MMP26: variants seen among roughly 807,000 people sequenced by gnomAD.
MMP26 encodes the protein matrix metalloproteinase-26.
Under a neutral mutation model 31.0 loss-of-function variants are expected in MMP26, and 33 were observed. The observed-to-expected ratio is 1.06, with a 90% CI of 0.81 to 1.42. The LOEUF is 1.42. Among genes scored for constraint, MMP26 ranks in the 40% most tolerant of loss-of-function variants. The probability of loss-of-function intolerance (pLI) is 0.00; values close to 1 mark genes in which losing one functional copy is unlikely to be tolerated. For missense variants in MMP26, 347 were observed against 316.1 expected (o/e 1.10, Z -0.74); for synonymous variants, 122 against 114.9 (o/e 1.06, Z -0.40).
At chr11:4,708,599 CCAAA>C (rs1186386781) in intron 1 of MMP26, among the ~76,000 whole-genome samples, 8 of 152,098 alleles carry the variant, frequency 5.3e-5, no homozygotes, top group Non-Finnish European at 4.4e-5. Flanking sequence ...ATGTTAAAAA[CCAAA>C]CATTCTTTCT....
chr11:4,955,138 A>G lies in MMP26; in HGVS notation c.-144-32930A>G, dbSNP rs566403984. 2.1e-5 allele frequency: 28 copies of G among 1,355,732 alleles called. 4 individuals are homozygous for G. The African/African-American group carries it at 3.2e-4, about 16-fold the overall frequency. The allele number at this position is 1,355,732 out of a possible 1,614,324, so 84.0% of individuals were successfully genotyped here. On this transcript the variant is annotated intron_variant, in intron 2 of 7. Coordinates refer to ENST00000380390, the MANE Select transcript of MMP26 (RefSeq NM_021801.5). ...CATAGATAACATCAATTCTGTTGTC[A>G]GAACAGGCCAACTTCATGACATCCT...
chr11:4,892,404 G>A (rs1345316960), intron 2 of MMP26, among the ~76,000 whole-genome samples: 2 of 152,122 alleles, frequency 1.3e-5, no homozygotes, highest in Non-Finnish European at 2.9e-5. Context: ...CAGAGTCCAT[G>A]TATCCCTACT....
At chr11:4,834,600 A>G (rs1171883422) in intron 2 of MMP26, among the ~76,000 whole-genome samples, 1 of 152,214 alleles carries the variant, frequency 6.6e-6, no homozygotes, top group Non-Finnish European at 1.5e-5. Flanking sequence ...TGTCCTCTAA[A>G]GTCCTTACTG....
intron 2 of MMP26, among the ~76,000 whole-genome samples, chr11:4,909,906 A>G (rs1201776246): frequency 6.6e-6 from 1 of 152,126 alleles, no homozygotes; most frequent in Non-Finnish European, 1.5e-5. Flanking sequence ...ACGCTTCAAC[A>G]GAGTAACATA....
At chr11:4,835,587 G>A (rs1228469565) in intron 2 of MMP26, among the ~76,000 whole-genome samples, 2 of 152,148 alleles carry the variant, frequency 1.3e-5, no homozygotes, top group African/African-American at 4.8e-5. Context: ...AAAGGAGAGA[G>A]CAATTGAGGC....
intron 1 of MMP26, among the ~76,000 whole-genome samples, chr11:4,754,330 C>T (rs902276746): frequency 9.2e-5 from 14 of 151,782 alleles, no homozygotes; most frequent in African/African-American, 3.4e-4. Context: ...AAATGTGGGA[C>T]AGATATCTAT....
At chr11:4,941,871 G>A (rs1255068190) in intron 2 of MMP26, among the ~76,000 whole-genome samples, 3 of 151,368 alleles carry the variant, frequency 2.0e-5, no homozygotes, top group East Asian at 1.9e-4. Flanking sequence ...GGATCATGAG[G>A]TCAGGAGATC....
At chr11:4,836,651 CTTTTTT>C (rs71480270) in intron 2 of MMP26, among the ~76,000 whole-genome samples, 1 of 95,960 alleles carries the variant, frequency 1.0e-5, no homozygotes, top group Non-Finnish European at 2.1e-5. Context: ...TCAAAGACAT[CTTTTTT>C]TTTTTTTTTT....
At chr11:4,729,172 C>A (rs1227835912) in intron 1 of MMP26, among the ~76,000 whole-genome samples, 1 of 151,754 alleles carries the variant, frequency 6.6e-6, no homozygotes, top group Non-Finnish European at 1.5e-5. Context: ...AAGCATCTTC[C>A]TAGTTCATAT....
At chr11:4,758,999 T>C (rs1848538953) in intron 1 of MMP26, among the ~76,000 whole-genome samples, 1 of 149,660 alleles carries the variant, frequency 6.7e-6, no homozygotes, top group Non-Finnish European at 1.5e-5. Flanking sequence ...TAATCACAGC[T>C]ACCTGGGAGG....
At chr11:4,789,530 C>CTTTTTTTTTTTTTTTTTTTTTTT (rs71050429) in intron 2 of MMP26, among the ~76,000 whole-genome samples, 1 of 65,970 alleles carries the variant, frequency 1.5e-5, no homozygotes, top group African/African-American at 5.4e-5. Context: ...TATCCCCCCA[C>CTTTTTTTTTTTTTTTTTTTTTTT]TTTTTTTTTT....
intron 2 of MMP26, among the ~76,000 whole-genome samples, chr11:4,853,118 G>C (rs1849998203): frequency 6.6e-6 from 1 of 152,180 alleles, no homozygotes; most frequent in Admixed American, 6.5e-5. Flanking sequence ...GTAAGTGTTA[G>C]AGGCTTAATG....
intron 2 of MMP26, among the ~76,000 whole-genome samples, chr11:4,924,877 A>T (rs1289166438): frequency 1.3e-5 from 2 of 152,198 alleles, no homozygotes; most frequent in South Asian, 2.1e-4. Flanking sequence ...TTGATATGAC[A>T]TCTAGGTATC....
In MMP26 at chr11:4,991,409, A is replaced by G. The variant is rs755214023; in HGVS notation, c.508A>G (p.Ile170Val). ...TTGGCCCTTTGATGGGCCAGGTGGT[A>G]TCTTAGGCCATGCCTTTTTACCAAA... ...DGWPFDGPGG[I>V]LGHAFLPNSG... is the part of the protein sequence containing the mutation. The change falls in exon 6 of 8, where the codon ATC (isoleucine) becomes GTC (valine). Residue 170 changes from isoleucine (I) to valine (V), a missense_variant. Physicochemically the swap from Ile to Val is conservative, Grantham distance 29 (BLOSUM62 3). Coordinates refer to ENST00000380390, the MANE Select transcript of MMP26 (RefSeq NM_021801.5). 5 of 1,613,894 alleles carry G rather than the reference A, an allele frequency of 3.1e-6. No homozygotes were observed. The highest frequency in any genetic ancestry group is 2.2e-5 in the East Asian group (1 of 44,890).
intron 2 of MMP26, among the ~76,000 whole-genome samples, chr11:4,820,085 T>C (rs1849474798): frequency 6.6e-6 from 1 of 152,194 alleles, no homozygotes; most frequent in Non-Finnish European, 1.5e-5. Context: ...ACACGGACCA[T>C]AGTATGTCTC....
At chr11:4,977,630 T>C (rs925504362) in intron 2 of MMP26, among the ~76,000 whole-genome samples, 1 of 152,126 alleles carries the variant, frequency 6.6e-6, no homozygotes, top group Non-Finnish European at 1.5e-5. Context: ...CGTTGCACAC[T>C]TTCACCAAAA....
chr11:4,705,562 T>C (rs957741991), intron 1 of MMP26, among the ~76,000 whole-genome samples: 5 of 152,216 alleles, frequency 3.3e-5, no homozygotes, highest in African/African-American at 1.2e-4. Context: ...TTATAGGCTC[T>C]GTCATGGAAG....
chr11:4,709,865 C>A (rs1365003221), intron 1 of MMP26: 5 of 456,912 alleles, frequency 1.1e-5, no homozygotes, highest in Non-Finnish European at 2.2e-5. Context: ...TTGATGCCTG[C>A]ATTGGCCAAA....
At chr11:4,749,086 T>C (rs1348319588) in intron 1 of MMP26, among the ~76,000 whole-genome samples, 4 of 152,108 alleles carry the variant, frequency 2.6e-5, no homozygotes, top group African/African-American at 9.7e-5. Context: ...ATAAATACAT[T>C]CAGTAAAGTT....
Sources: allele counts gnomAD v4.1 joint callset (sites outside exome capture counted in the v4.1 genomes callset), GRCh38; gene constraint gnomAD v4.1.1; transcripts MANE v1.5; gene names NCBI Gene and HGNC (gene_info 2026-07-23, HGNC 2026-07-21).